The following RBFOX3 variants were observed in gnomAD, a reference collection of about 807,000 sequenced individuals.
RBFOX3 encodes RNA binding fox-1 homolog 3, also known as RNA binding protein fox-1 homolog 3.
A neutral mutation model predicts 48.7 loss-of-function variants in RBFOX3; 17 were observed. That is an observed-to-expected ratio of 0.35 (90% CI 0.24 to 0.52). RBFOX3 has a LOEUF of 0.52. Among genes scored for constraint, RBFOX3 ranks in the 20% least tolerant of loss-of-function variants. The probability of loss-of-function intolerance (pLI) is 0.94; values close to 1 mark genes in which losing one functional copy is unlikely to be tolerated. For missense variants in RBFOX3, 382 were observed against 497.5 expected (o/e 0.77, Z 2.21); for synonymous variants, 212 against 209.5 (o/e 1.01, Z -0.10).
chr17:79,589,115 A>G, intron 1 of RBFOX3, among the ~76,000 whole-genome samples: 1 of 152,114 alleles, frequency 6.6e-6, no homozygotes. Flanking sequence ...AAGGGTGGGG[A>G]ACTTAAGGAA....
intron 4 of RBFOX3, among the ~76,000 whole-genome samples, chr17:79,226,084 C>G (rs909176245): frequency 6.6e-6 from 1 of 152,102 alleles, no homozygotes; most frequent in Non-Finnish European, 1.5e-5. Flanking sequence ...AATATTCCAG[C>G]AAAAAGAATA....
At chr17:79,438,755 C>T (rs1336201580) in intron 2 of RBFOX3, among the ~76,000 whole-genome samples, 1 of 152,230 alleles carries the variant, frequency 6.6e-6, no homozygotes, top group Non-Finnish European at 1.5e-5. Context: ...TGCTTGGCTT[C>T]TCGGCCATGA....
chr17:79,149,922 C>A (rs1568231204), intron 4 of RBFOX3, among the ~76,000 whole-genome samples: 1 of 135,064 alleles, frequency 7.4e-6, no homozygotes, highest in Non-Finnish European at 1.6e-5. Flanking sequence ...GTGACAGTGG[C>A]TGCGCTGAGG....
intron 2 of RBFOX3, among the ~76,000 whole-genome samples, chr17:79,454,350 G>A (rs777912926): frequency 3.9e-5 from 6 of 152,104 alleles, no homozygotes; most frequent in Non-Finnish European, 8.8e-5. Flanking sequence ...CCAGGGCCAG[G>A]TGGCTCTGTC....
At chr17:79,413,223 C>A (rs908573292) in intron 2 of RBFOX3, among the ~76,000 whole-genome samples, 9 of 152,214 alleles carry the variant, frequency 5.9e-5, no homozygotes, top group Admixed American at 5.2e-4. Flanking sequence ...GCACCCCTCC[C>A]CTGCAGTGCC....
intron 9 of RBFOX3, 184 bp from the exon 10 acceptor site, chr17:79,097,929 A>C: frequency 3.2e-6 from 2 of 622,698 alleles, no homozygotes; most frequent in Non-Finnish European, 2.9e-6. Context: ...ACCAGGGTCT[A>C]CTCCTTCCTG....
chr17:79,157,910 C>T (rs2046177695), intron 4 of RBFOX3, among the ~76,000 whole-genome samples: 1 of 152,316 alleles, frequency 6.6e-6, no homozygotes, highest in South Asian at 2.1e-4. Flanking sequence ...GCTAGACGGC[C>T]CTGGGGAGCT....
chr17:79,119,664 T>G (rs1043377617), intron 4 of RBFOX3, among the ~76,000 whole-genome samples: 1 of 152,128 alleles, frequency 6.6e-6, no homozygotes, highest in African/African-American at 2.4e-5. Flanking sequence ...CCGCAAATGG[T>G]CACAATAGAG....
At chr17:79,508,760 AC>A in intron 1 of RBFOX3, 1 of 152,026 alleles carries the variant, frequency 6.6e-6, no homozygotes. Flanking sequence ...CACCCCGCAC[AC>A]CCCACACACC....
chr17:79,620,531 G>T, the RBFOX3 span, among the ~76,000 whole-genome samples: 1 of 138,448 alleles, frequency 7.2e-6, no homozygotes, highest in African/African-American at 2.8e-5. Context: ...ATGCATACGC[G>T]CACATGCACA....
chr17:79,101,456 G>A (rs925713312), intron 9 of RBFOX3, 128 bp downstream of exon 9: 3 of 837,290 alleles, frequency 3.6e-6, no homozygotes, highest in African/African-American at 3.3e-5. Context: ...GCAGCCCCAG[G>A]GCTGGGACAC....
intron 3 of RBFOX3, among the ~76,000 whole-genome samples, chr17:79,237,385 G>GCTGCTTCT: frequency 6.6e-6 from 1 of 152,334 alleles, no homozygotes; most frequent in East Asian, 1.9e-4. Flanking sequence ...TAGCAGGCAG[G>GCTGCTTCT]TACACTTCTT....
chr17:79,268,767 C>T (rs965720348), intron 3 of RBFOX3, among the ~76,000 whole-genome samples: 1 of 152,196 alleles, frequency 6.6e-6, no homozygotes, highest in African/African-American at 2.4e-5. Flanking sequence ...CAGTAGCCCC[C>T]GGACCTCATC....
At chr17:79,622,988 C>A in the RBFOX3 span, among the ~76,000 whole-genome samples, 2 of 152,148 alleles carry the variant, frequency 1.3e-5, no homozygotes, top group African/African-American at 2.4e-5. Context: ...GCCCTCCTGG[C>A]CTCCCCACTG....
At chr17:79,571,083 G>A (rs1038481836) in intron 1 of RBFOX3, among the ~76,000 whole-genome samples, 5 of 152,094 alleles carry the variant, frequency 3.3e-5, no homozygotes, top group Admixed American at 6.5e-5. Flanking sequence ...CCACGTCCCC[G>A]GCCCTGGCCT....
At chr17:79,659,466 G>T in the RBFOX3 span, among the ~76,000 whole-genome samples, 1 of 152,070 alleles carries the variant, frequency 6.6e-6, no homozygotes, top group Non-Finnish European at 1.5e-5. Context: ...GGGCGGGAAA[G>T]CACCTGGCAA....
At chr17:79,542,471 G>C (rs2089854775) in intron 1 of RBFOX3, among the ~76,000 whole-genome samples, 1 of 152,162 alleles carries the variant, frequency 6.6e-6, no homozygotes, top group African/African-American at 2.4e-5. Flanking sequence ...CTGTCTGATA[G>C]AAATAGCATG....
At chr17:79,147,684 A>G (rs934468315) in intron 4 of RBFOX3, among the ~76,000 whole-genome samples, 1 of 152,212 alleles carries the variant, frequency 6.6e-6, no homozygotes, top group Admixed American at 6.5e-5. Context: ...TCAGCCTTGC[A>G]CACCCCTGGT....
At chr17:79,613,134 G>A (rs1029351512), upstream of RBFOX3, among the ~76,000 whole-genome samples, 9 of 152,326 alleles carry the variant, frequency 5.9e-5, no homozygotes, top group South Asian at 6.2e-4. Context: ...CATAGGGCCC[G>A]GTAAATCATT....
Sources: gnomAD v4.1 joint callset for allele counts (sites outside exome capture counted in the v4.1 genomes callset) on GRCh38, gnomAD v4.1.1 for gene constraint, MANE v1.5 for transcripts, NCBI Gene and HGNC (gene_info 2026-07-23, HGNC 2026-07-21) for gene names.